The following ANTXRL variants were observed in gnomAD, a reference collection of about 807,000 sequenced individuals.
The protein encoded by ANTXRL is ANTXR like, also known as anthrax toxin receptor-like.
In ANTXRL, 63 loss-of-function variants were observed where a neutral mutation model predicts 75.4. That is an observed-to-expected ratio of 0.84 (90% CI 0.68 to 1.03). ANTXRL has a LOEUF of 1.03. ANTXRL is among the 50% of genes least tolerant of loss of function. The pLI is 0.00. For missense variants in ANTXRL, 797 were observed against 789.4 expected, an observed-to-expected ratio of 1.01 and a Z score of -0.12; for synonymous variants, 335 against 291.3, an observed-to-expected ratio of 1.15 and a Z score of -1.53.
At chr10:46,295,277 C>A (rs1837296795) in intron 3 of ANTXRL, among the ~76,000 whole-genome samples, 1 of 152,174 alleles carries the variant, frequency 6.6e-6, no homozygotes, top group Non-Finnish European at 1.5e-5. Flanking sequence ...GGGCTGGTGG[C>A]TTAGCAGGAT....
At chr10:46,288,505 C>T (rs1247589676) in intron 1 of ANTXRL, among the ~76,000 whole-genome samples, 1 of 152,092 alleles carries the variant, frequency 6.6e-6, no homozygotes, top group Non-Finnish European at 1.5e-5. Flanking sequence ...GGGACGTGTA[C>T]CCCAGCCCAC....
At chr10:46,320,186 G>T (rs1388100360) in intron 16 of ANTXRL, among the ~76,000 whole-genome samples, 1 of 152,184 alleles carries the variant, frequency 6.6e-6, no homozygotes, top group Non-Finnish European at 1.5e-5. Context: ...AACAGACAAA[G>T]AGAAGCTAGT....
chr10:46,296,851 C>T (rs1374227249), intron 5 of ANTXRL, among the ~76,000 whole-genome samples: 1 of 152,162 alleles, frequency 6.6e-6, no homozygotes, highest in Non-Finnish European at 1.5e-5. Context: ...CCCTGGGAGC[C>T]TCCCTGAGCC....
At chr10:46,316,296 A>C (rs1458896109) in intron 16 of ANTXRL, among the ~76,000 whole-genome samples, 1 of 152,104 alleles carries the variant, frequency 6.6e-6, no homozygotes, top group Non-Finnish European at 1.5e-5. Flanking sequence ...GCTGCCATTC[A>C]TATAGATCTT....
intron 1 of ANTXRL, among the ~76,000 whole-genome samples, chr10:46,289,722 C>T (rs1554956042): frequency 6.6e-6 from 1 of 152,104 alleles, no homozygotes; most frequent in Non-Finnish European, 1.5e-5. Context: ...GAGTGAGACC[C>T]TGTCTCAAAC....
At chr10:46,290,231 A>T (rs1836928472) in intron 1 of ANTXRL, among the ~76,000 whole-genome samples, 1 of 151,970 alleles carries the variant, frequency 6.6e-6, no homozygotes, top group Non-Finnish European at 1.5e-5. Flanking sequence ...TTTAGTACAT[A>T]CAGGGTTTCA....
intron 10 of ANTXRL, 32 bp from the exon 11 acceptor site, chr10:46,306,771 A>G (rs782186597): frequency 2.2e-5 from 33 of 1,493,582 alleles, no homozygotes; most frequent in Non-Finnish European, 2.8e-5. Context: ...AGACAGGTGC[A>G]CTGACATTCT....
rs185745809 is a variant in ANTXRL, at chr10:46,327,352, A to C, written c.1411-2247A>C. Among the ~76,000 whole-genome samples, 200 of 152,030 alleles carry C rather than the reference A, an allele frequency of 1.3e-3. 7 individuals are homozygous for C. The highest frequency in any genetic ancestry group is 6.8e-3 in the Middle Eastern group (2 of 294). On this transcript the variant is annotated intron_variant, in intron 16 of 16. Transcript: ENST00000620264. ...GGGAAGATGGTCCTGGGAGGACTAGATTTGGGGATGGGTGGAGTCAGGGAG... is the reference window on the plus strand; with the variant it reads ...GGGAAGATGGTCCTGGGAGGACTAGCTTTGGGGATGGGTGGAGTCAGGGAG...
intron 16 of ANTXRL, among the ~76,000 whole-genome samples, chr10:46,324,764 T>C (rs11597038): frequency 8.7e-4 from 132 of 152,208 alleles, no homozygotes; most frequent in Non-Finnish European, 1.6e-3. Flanking sequence ...ATCTTATCGA[T>C]TTGTCTGTAG....
chr10:46,303,613 A>C (rs1230493459), intron 10 of ANTXRL, among the ~76,000 whole-genome samples: 1 of 152,164 alleles, frequency 6.6e-6, no homozygotes, highest in Non-Finnish European at 1.5e-5. Flanking sequence ...TTTTCATGTT[A>C]TAGATGGTCA....
intron 1 of ANTXRL, among the ~76,000 whole-genome samples, chr10:46,289,639 G>A (rs58583971): frequency 0.092 from 13,932 of 152,058 alleles, 1,696 homozygotes; most frequent in African/African-American, 0.28. Context: ...TGAGGCAGGA[G>A]GATCGCTTGA....
chr10:46,308,303 G>A (rs1206677286), intron 12 of ANTXRL, among the ~76,000 whole-genome samples: 1 of 152,072 alleles, frequency 6.6e-6, no homozygotes, highest in African/African-American at 2.4e-5. Flanking sequence ...CACATCAGGA[G>A]CAGCCATGGG....
rs1554958589 is a variant in ANTXRL at position 46,296,201 on chromosome 10, T to G, written c.475-18T>G. 2.6e-6 allele frequency: 4 copies of G among 1,535,840 alleles called. No homozygotes were observed. The highest frequency in any genetic ancestry group is 2.4e-5 in the East Asian group (1 of 40,912). On this transcript the variant is annotated intron_variant, in intron 4 of 16. Transcript: ENST00000620264. ...GCATCTCACTGTCCAGGCTCAATAT[T>G]TCTTCATTTTCTTGCAGGCAATTCA...
chr10:46,310,927 G>A (rs537162761), intron 14 of ANTXRL, among the ~76,000 whole-genome samples: 16 of 152,206 alleles, frequency 1.1e-4, no homozygotes, highest in African/African-American at 3.6e-4. Flanking sequence ...TGGCAGGGAC[G>A]AGGGGCTGGC....
intron 9 of ANTXRL, among the ~76,000 whole-genome samples, chr10:46,299,389 G>A (rs1444543591): frequency 1.3e-5 from 2 of 152,212 alleles, no homozygotes; most frequent in East Asian, 1.9e-4. Flanking sequence ...TGTCAGCTGG[G>A]GTCCCAGTAT....
chr10:46,322,457 CAAA>C (rs797036561), intron 16 of ANTXRL, among the ~76,000 whole-genome samples: 7 of 90,510 alleles, frequency 7.7e-5, no homozygotes, highest in South Asian at 3.4e-4. Flanking sequence ...GACTCCATCT[CAAA>C]AAAAAAAAAA....
chr10:46,319,122 G>A (rs1481552339), intron 16 of ANTXRL, among the ~76,000 whole-genome samples: 1 of 152,156 alleles, frequency 6.6e-6, no homozygotes, highest in Non-Finnish European at 1.5e-5. Flanking sequence ...TTAGGCTGTG[G>A]TTCATATGTG....
chr10:46,308,413 C>CT (rs1838224472), intron 12 of ANTXRL: 1 of 328,586 alleles, frequency 3.0e-6, no homozygotes, highest in Non-Finnish European at 5.9e-6. Context: ...CCCTCCCCTC[C>CT]CCTCCCCTCC....
At chr10:46,324,966 G>C (rs1048139246) in intron 16 of ANTXRL, among the ~76,000 whole-genome samples, 1 of 152,086 alleles carries the variant, frequency 6.6e-6, no homozygotes, top group African/African-American at 2.4e-5. Flanking sequence ...AGATATGGAA[G>C]CCTCTTGAAC....
Sources: allele counts gnomAD v4.1 joint callset (sites outside exome capture counted in the v4.1 genomes callset), GRCh38; gene constraint gnomAD v4.1.1; transcripts MANE v1.5; gene names NCBI Gene and HGNC (gene_info 2026-07-23, HGNC 2026-07-21).